The following KIAA1671 variants were observed in gnomAD, a reference collection of about 807,000 sequenced individuals.
KIAA1671 encodes the protein KIAA1671.
A neutral mutation model predicts 131.2 loss-of-function variants in KIAA1671; 52 were observed. That is an observed-to-expected ratio of 0.40 (90% CI 0.32 to 0.50). The LOEUF (loss-of-function observed/expected upper bound fraction) is 0.50, where lower values mean the gene tolerates loss of function less well. Among genes scored for constraint, KIAA1671 ranks in the 20% least tolerant of loss-of-function variants. The probability of loss-of-function intolerance (pLI) is 0.73; values close to 1 mark genes in which losing one functional copy is unlikely to be tolerated. For synonymous variants in KIAA1671, 1,003 were observed against 961.6 expected (o/e 1.04, Z -0.80); for missense variants, 2,360 against 2,364.2 (o/e 1.00, Z 0.04).
chr22:25,118,157 AAAAAT>A (rs1038851053), intron 6 of KIAA1671, among the ~76,000 whole-genome samples: 4 of 144,334 alleles, frequency 2.8e-5, no homozygotes, highest in African/African-American at 1.0e-4. Context: ...AAAAAAAAAA[AAAAAT>A]GTCAGCAGTC....
intron 6 of KIAA1671, chr22:25,063,240 T>C (rs1928271791): frequency 1.3e-5 from 2 of 152,294 alleles, no homozygotes; most frequent in Admixed American, 6.5e-5. Flanking sequence ...GTTTTTCTTA[T>C]AGAGGAGTGT....
intron 1 of KIAA1671, among the ~76,000 whole-genome samples, chr22:24,978,455 T>C (rs1602040141): frequency 6.6e-6 from 1 of 152,052 alleles, no homozygotes; most frequent in South Asian, 2.1e-4. Flanking sequence ...AGCATGAAAA[T>C]GGACTCGTAC....
At chr22:25,018,310 C>T (rs1053700152) in intron 1 of KIAA1671, among the ~76,000 whole-genome samples, 5 of 152,140 alleles carry the variant, frequency 3.3e-5, no homozygotes, top group African/African-American at 9.7e-5. Flanking sequence ...GCATGGGCCC[C>T]CCGACGTGGT....
chr22:25,093,804 C>CTCTCTCTCTCTCTT (rs1930226140), intron 6 of KIAA1671, among the ~76,000 whole-genome samples: 1 of 137,790 alleles, frequency 7.3e-6, no homozygotes, highest in African/African-American at 2.7e-5. Context: ...CTCTCTCTCT[C>CTCTCTCTCTCTCTT]TCTCTCTGTC....
At chr22:24,992,395 C>T (rs1018056577) in intron 1 of KIAA1671, among the ~76,000 whole-genome samples, 1 of 152,176 alleles carries the variant, frequency 6.6e-6, no homozygotes, top group African/African-American at 2.4e-5. Flanking sequence ...CCATTCCTGA[C>T]TTCTGTAAAC....
chr22:24,961,676 C>T (rs1922025657), intron 1 of KIAA1671, among the ~76,000 whole-genome samples: 1 of 152,224 alleles, frequency 6.6e-6, no homozygotes, highest in Non-Finnish European at 1.5e-5. Flanking sequence ...GTCACTTCTG[C>T]TCTCATGCTA....
chr22:25,088,595 T>G (rs997328823), intron 6 of KIAA1671, among the ~76,000 whole-genome samples: 1 of 151,616 alleles, frequency 6.6e-6, no homozygotes, highest in African/African-American at 2.4e-5. Flanking sequence ...TTAAGTCACC[T>G]TTTTAGGGAC....
intron 1 of KIAA1671, among the ~76,000 whole-genome samples, chr22:24,958,598 C>T (rs1257578029): frequency 1.3e-5 from 2 of 149,958 alleles, no homozygotes; most frequent in Non-Finnish European, 3.0e-5. Context: ...GTGTGGTGAC[C>T]TGAGATCATG....
intron 1 of KIAA1671, among the ~76,000 whole-genome samples, chr22:25,009,072 G>A (rs1439678799): frequency 6.6e-6 from 1 of 152,098 alleles, no homozygotes; most frequent in African/African-American, 2.4e-5. Context: ...TGGTATAGAT[G>A]GCATGGAAAC....
chr22:25,150,169 T>C (rs1419255794), intron 6 of KIAA1671, among the ~76,000 whole-genome samples: 4 of 152,204 alleles, frequency 2.6e-5, no homozygotes, highest in African/African-American at 7.2e-5. Flanking sequence ...TCCCTCTCTA[T>C]CCTGAGTCCT....
chr22:25,156,170 C>T (rs2145985978), intron 6 of KIAA1671, among the ~76,000 whole-genome samples: 1 of 150,912 alleles, frequency 6.6e-6, no homozygotes, highest in Middle Eastern at 3.4e-3. Context: ...CTACAGGCAC[C>T]CGCCACCATG....
intron 1 of KIAA1671, among the ~76,000 whole-genome samples, chr22:24,969,724 A>C (rs1000705143): frequency 1.3e-5 from 2 of 152,204 alleles, no homozygotes; most frequent in Non-Finnish European, 2.9e-5. Flanking sequence ...GGGCACATGT[A>C]GAATGTGGGC....
At chr22:25,177,989 T>C (rs1009917182) in intron 9 of KIAA1671, among the ~76,000 whole-genome samples, 2 of 152,148 alleles carry the variant, frequency 1.3e-5, no homozygotes, top group Non-Finnish European at 2.9e-5. Flanking sequence ...TGGAAGACGC[T>C]GGCAGTGCCC....
chr22:25,167,818 G>T (rs149764041), intron 6 of KIAA1671, among the ~76,000 whole-genome samples: 1 of 152,272 alleles, frequency 6.6e-6, no homozygotes, highest in Admixed American at 6.5e-5. Context: ...ACATCATGGG[G>T]TACATGAGTA....
In KIAA1671 at chr22:25,028,649, C is replaced by T. The variant is rs1415780831; in HGVS notation, c.650C>T (p.Pro217Leu). 1 of 1,551,066 alleles carries T rather than the reference C, an allele frequency of 6.4e-7. No homozygotes were observed. The highest frequency in any genetic ancestry group is 1.4e-5 in the African/African-American group (1 of 73,052). Residue 217 changes from proline (P) to leucine (L), a missense_variant, in exon 3 of 13, where the codon CCT becomes CTT. Around this residue, in one of 3 missense-constraint regions of KIAA1671, gnomAD observed 1,185 missense variants for 1,126.2 expected, o/e 1.05. Coordinates refer to ENST00000358431, the MANE Select transcript of KIAA1671 (RefSeq NM_001145206.2). ...CAAGAGGAGGCAGGCCAAGACCATC[C>T]TCCCTCAAAGGCCAGCAGTGTGGAG... The part of the protein sequence containing the change: ...VPQEEAGQDH[P>L]PSKASSVEDT...
At chr22:25,004,805 G>A (rs1924657707) in intron 1 of KIAA1671, among the ~76,000 whole-genome samples, 1 of 151,722 alleles carries the variant, frequency 6.6e-6, no homozygotes, top group Admixed American at 6.6e-5. Context: ...AATTAGCCGG[G>A]CGTGGTGGCG....
chr22:25,156,199 AT>A, intron 6 of KIAA1671, among the ~76,000 whole-genome samples: 1 of 146,344 alleles, frequency 6.8e-6, no homozygotes, highest in Non-Finnish European at 1.5e-5. Context: ...ATATTTTTGT[AT>A]TTTTTTAGTA....
Position 25,000,482 on chromosome 22 carries a change from C to G in KIAA1671, c.-207-25151C>G, listed in dbSNP as rs185402268. Among the ~76,000 whole-genome samples, 11 of 64,124 alleles carry G rather than the reference C, an allele frequency of 1.7e-4. 4 individuals are homozygous for G. Among genetic ancestry groups the G allele is most frequent in the Non-Finnish European group, 3.8e-4 (11 of 28,966 alleles). 42.1% of individuals were successfully genotyped at this position (64,124 alleles called of 152,430 possible). ...TGCTGGGATTACAGGCGTGAGCCAC[C>G]GCGCCCGGCCTTTTTTTTTTTTTTT... On this transcript the variant is annotated intron_variant, in intron 1 of 12. Transcript: ENST00000358431.
intron 1 of KIAA1671, among the ~76,000 whole-genome samples, chr22:24,967,459 G>T (rs1452815386): frequency 6.6e-6 from 1 of 152,224 alleles, no homozygotes; most frequent in African/African-American, 2.4e-5. Context: ...TTCCAGTGCT[G>T]TGTGTCCTTT....
Sources: allele counts gnomAD v4.1 joint callset (sites outside exome capture counted in the v4.1 genomes callset), GRCh38; gene constraint gnomAD v4.1.1; regional missense constraint gnomAD v4.1.1; transcripts MANE v1.5; gene names NCBI Gene and HGNC (gene_info 2026-07-23, HGNC 2026-07-21).